The following ABTB3 variants were observed in gnomAD, a reference collection of about 807,000 sequenced individuals.
The protein encoded by ABTB3 is ankyrin repeat- and BTB/POZ domain-containing protein 3.
At chr12:107,374,911 C>T in the ABTB3 span, 2 of 152,264 alleles carry the variant, frequency 1.3e-5, no homozygotes, top group Admixed American at 6.5e-5. Flanking sequence ...GGTACCCACA[C>T]TCACCTGAGA....
At chr12:107,555,324 A>G in the ABTB3 span, among the ~76,000 whole-genome samples, 1 of 152,324 alleles carries the variant, frequency 6.6e-6, no homozygotes, top group East Asian at 1.9e-4. Context: ...CTTGTCAAAC[A>G]GCTTCTACTC....
At chr12:107,372,121 C>T in the ABTB3 span, among the ~76,000 whole-genome samples, 1 of 152,176 alleles carries the variant, frequency 6.6e-6, no homozygotes, top group African/African-American at 2.4e-5. Flanking sequence ...AGAGAAGAAT[C>T]TGTGTTTGAT....
chr12:107,473,013 C>T, the ABTB3 span, among the ~76,000 whole-genome samples: 3 of 152,232 alleles, frequency 2.0e-5, no homozygotes, highest in African/African-American at 4.8e-5. Flanking sequence ...AACATGAAGG[C>T]CCCAGGTGGC....
the ABTB3 span, among the ~76,000 whole-genome samples, chr12:107,568,788 T>G: frequency 0.54 from 82,614 of 151,960 alleles, 22,903 homozygotes; most frequent in African/African-American, 0.64. Flanking sequence ...AGAAGAGAAG[T>G]TTCTGCAGTC....
At chr12:107,342,253 T>C in the ABTB3 span, among the ~76,000 whole-genome samples, 2 of 151,964 alleles carry the variant, frequency 1.3e-5, no homozygotes, top group Admixed American at 1.3e-4. Context: ...CCTCATTTTT[T>C]TGGGGGGAGG....
At chr12:107,645,892 TC>T in the ABTB3 span, among the ~76,000 whole-genome samples, 1 of 152,228 alleles carries the variant, frequency 6.6e-6, no homozygotes, top group African/African-American at 2.4e-5. Flanking sequence ...CGGGGACTTT[TC>T]CGTGTGCCCG....
At chr12:107,583,817 C>T in the ABTB3 span, among the ~76,000 whole-genome samples, 2 of 152,324 alleles carry the variant, frequency 1.3e-5, no homozygotes, top group Middle Eastern at 6.8e-3. Context: ...CACAGAGGAG[C>T]AGAGGAAGTC....
At chr12:107,592,894 T>C in the ABTB3 span, among the ~76,000 whole-genome samples, 32 of 152,322 alleles carry the variant, frequency 2.1e-4, no homozygotes, top group Middle Eastern at 3.4e-3. Flanking sequence ...TATTACTCTA[T>C]ATTTTATGTG....
chr12:107,493,753 T>G, the ABTB3 span, among the ~76,000 whole-genome samples: 1 of 152,192 alleles, frequency 6.6e-6, no homozygotes, highest in African/African-American at 2.4e-5. Flanking sequence ...ATTTGGACAC[T>G]GACACACACT....
chr12:107,573,542 A>G, the ABTB3 span, among the ~76,000 whole-genome samples: 7 of 152,058 alleles, frequency 4.6e-5, no homozygotes, highest in African/African-American at 1.7e-4. Flanking sequence ...GGACAGATAG[A>G]CAGATAGACA....
the ABTB3 span, among the ~76,000 whole-genome samples, chr12:107,450,264 T>C: frequency 6.6e-6 from 1 of 152,188 alleles, no homozygotes; most frequent in Non-Finnish European, 1.5e-5. Context: ...TCTGGGTTGA[T>C]ATTGTAGGGG....
the ABTB3 span, chr12:107,544,229 A>G: frequency 4.4e-6 from 6 of 1,377,874 alleles, no homozygotes; most frequent in Non-Finnish European, 6.0e-6. Context: ...ATGGGGGTAG[A>G]AAGGACTCAC....
the ABTB3 span, among the ~76,000 whole-genome samples, chr12:107,529,210 T>C: frequency 2.0e-5 from 3 of 149,592 alleles, no homozygotes; most frequent in African/African-American, 7.5e-5. Context: ...ATGATGATGA[T>C]GGAGATGATG....
chr12:107,329,022 C>T, the ABTB3 span, among the ~76,000 whole-genome samples: 1 of 152,158 alleles, frequency 6.6e-6, no homozygotes, highest in East Asian at 1.9e-4. Flanking sequence ...GTAGCCTCCT[C>T]AGCTGGAGGC....
the ABTB3 span, chr12:107,544,005 C>A: frequency 1.5e-5 from 25 of 1,613,926 alleles, no homozygotes; most frequent in Non-Finnish European, 1.9e-5. Flanking sequence ...ATGGCACCCC[C>A]CTGCACCACA....
the ABTB3 span, among the ~76,000 whole-genome samples, chr12:107,493,771 A>G: frequency 6.6e-6 from 1 of 152,158 alleles, no homozygotes; most frequent in African/African-American, 2.4e-5. Context: ...ACTTAAGAAC[A>G]CCATGAACAT....
At chr12:107,492,230 G>A in the ABTB3 span, among the ~76,000 whole-genome samples, 7 of 152,178 alleles carry the variant, frequency 4.6e-5, no homozygotes, top group South Asian at 4.1e-4. Context: ...CCGCCCACCC[G>A]GTCCCGGGCC....
At chr12:107,526,555 C>G in the ABTB3 span, among the ~76,000 whole-genome samples, 4 of 152,130 alleles carry the variant, frequency 2.6e-5, no homozygotes, top group Non-Finnish European at 1.5e-5. Flanking sequence ...TTCTGCCTGT[C>G]ACCTCAGCCT....
chr12:107,429,557 C>T, the ABTB3 span, among the ~76,000 whole-genome samples: 10 of 152,256 alleles, frequency 6.6e-5, no homozygotes, highest in South Asian at 4.1e-4. Context: ...CTGCCAGGTT[C>T]GAATTGCAAG....
Sources: gnomAD v4.1 joint callset for allele counts (sites outside exome capture counted in the v4.1 genomes callset) on GRCh38, gnomAD v4.1.1 for gene constraint, MANE v1.5 for transcripts, NCBI Gene and HGNC (gene_info 2026-07-23, HGNC 2026-07-21) for gene names.